The following DCDC1 variants were observed in gnomAD, a reference collection of about 807,000 sequenced individuals.
The protein encoded by DCDC1 is doublecortin domain-containing protein 1.
DCDC1 carries 200 observed loss-of-function variants against 178.3 expected under a neutral mutation model. The ratio of observed to expected loss-of-function variants is 1.12; its 90% CI spans 1.00 to 1.26. The LOEUF is 1.26. Among genes scored for constraint, DCDC1 ranks in the 50% most tolerant of loss-of-function variants. DCDC1 has a pLI of 0.00. For synonymous variants in DCDC1, 690 were observed against 604.8 expected, an observed-to-expected ratio of 1.14 and a Z score of -2.07; for missense variants, 1,983 against 1,749.2, an observed-to-expected ratio of 1.13 and a Z score of -2.38.
chr11:31,133,191 G>A (rs1318554523), intron 10 of DCDC1, among the ~76,000 whole-genome samples: 4 of 152,162 alleles, frequency 2.6e-5, no homozygotes, highest in Admixed American at 6.5e-5. Flanking sequence ...GGTTTTTCTA[G>A]TGATGAGTTC....
At chr11:31,277,308 T>C (rs949301784) in intron 7 of DCDC1, among the ~76,000 whole-genome samples, 1 of 152,140 alleles carries the variant, frequency 6.6e-6, no homozygotes, top group Non-Finnish European at 1.5e-5. Context: ...TATATAATAA[T>C]GTTTTATCCA....
At chr11:31,325,580 G>T (rs985414551) in intron 3 of DCDC1, among the ~76,000 whole-genome samples, 1 of 151,886 alleles carries the variant, frequency 6.6e-6, no homozygotes, top group Non-Finnish European at 1.5e-5. Context: ...GGAAACACAT[G>T]GAAAGAAAGA....
intron 9 of DCDC1, among the ~76,000 whole-genome samples, chr11:31,214,123 T>C (rs1252914580): frequency 6.6e-6 from 1 of 152,174 alleles, no homozygotes. Flanking sequence ...AAAAGTTTTT[T>C]TTATCAAAAT....
intron 38 of DCDC1, among the ~76,000 whole-genome samples, chr11:30,877,552 T>C (rs1262245330): frequency 1.3e-5 from 2 of 152,188 alleles, no homozygotes; most frequent in Non-Finnish European, 2.9e-5. Flanking sequence ...TTCTTTTAAA[T>C]AGTGCATATA....
At chr11:31,201,877 A>G (rs1182834547) in intron 9 of DCDC1, among the ~76,000 whole-genome samples, 1 of 152,230 alleles carries the variant, frequency 6.6e-6, no homozygotes, top group Non-Finnish European at 1.5e-5. Flanking sequence ...TCCTTAAAAG[A>G]CTGTAGCTCA....
chr11:31,356,966 G>C (rs1207382852), intron 1 of DCDC1, among the ~76,000 whole-genome samples: 1 of 152,090 alleles, frequency 6.6e-6, no homozygotes, highest in Non-Finnish European at 1.5e-5. Flanking sequence ...ACCAAAAAGA[G>C]TGCAGGACCA....
intron 35 of DCDC1, among the ~76,000 whole-genome samples, chr11:30,893,909 A>G (rs1943994326): frequency 6.6e-6 from 1 of 152,218 alleles, no homozygotes; most frequent in South Asian, 2.1e-4. Flanking sequence ...ACATATTGAG[A>G]CATGCCCTTA....
intron 20 of DCDC1, among the ~76,000 whole-genome samples, chr11:31,030,756 T>C (rs1329925973): frequency 6.6e-6 from 1 of 152,132 alleles, no homozygotes; most frequent in African/African-American, 2.4e-5. Flanking sequence ...TTTAGAGACA[T>C]TTAACTTCCA....
At chr11:31,057,092 C>G (rs1955631811) in intron 20 of DCDC1, among the ~76,000 whole-genome samples, 1 of 151,836 alleles carries the variant, frequency 6.6e-6, no homozygotes, top group South Asian at 2.1e-4. Context: ...ATTAGCCAGG[C>G]ATGGTGGTGC....
At chr11:31,207,777 T>A (rs1565431717) in intron 9 of DCDC1, among the ~76,000 whole-genome samples, 1 of 152,194 alleles carries the variant, frequency 6.6e-6, no homozygotes, top group East Asian at 1.9e-4. Flanking sequence ...TTCTACTTTT[T>A]CCCATTCCCT....
intron 36 of DCDC1, 104 bp from the exon 37 acceptor site, chr11:30,881,412 T>C: frequency 7.2e-7 from 1 of 1,386,034 alleles, no homozygotes; most frequent in East Asian, 2.3e-5. Flanking sequence ...AGTTTGATTA[T>C]TTGCCCACTG....
intron 17 of DCDC1, among the ~76,000 whole-genome samples, chr11:31,090,078 T>C (rs1286977879): frequency 2.0e-5 from 3 of 152,134 alleles, no homozygotes; most frequent in Non-Finnish European, 2.9e-5. Flanking sequence ...TCAGAAATCT[T>C]ATTACCCAGT....
At chr11:31,000,983 T>G (rs1200713893) in intron 20 of DCDC1, among the ~76,000 whole-genome samples, 3 of 152,174 alleles carry the variant, frequency 2.0e-5, no homozygotes, top group Non-Finnish European at 4.4e-5. Flanking sequence ...CTTAGCAAAT[T>G]TTCATCAGTT....
intron 20 of DCDC1, among the ~76,000 whole-genome samples, chr11:30,963,558 T>G (rs535666020): frequency 1.3e-5 from 2 of 152,142 alleles, no homozygotes; most frequent in African/African-American, 4.8e-5. Flanking sequence ...ACCTTACCCT[T>G]AAAGCAACTG....
intron 20 of DCDC1, among the ~76,000 whole-genome samples, chr11:30,994,801 A>G (rs1364698758): frequency 1.4e-5 from 2 of 146,998 alleles, no homozygotes; most frequent in African/African-American, 5.0e-5. Context: ...ATATATGTAT[A>G]CCCTACAGCT....
chr11:30,876,492 G>A (rs1032655669), intron 38 of DCDC1, among the ~76,000 whole-genome samples: 4 of 152,130 alleles, frequency 2.6e-5, no homozygotes, highest in Non-Finnish European at 2.9e-5. Context: ...AGTAAGTGTC[G>A]CTGCCTTGCT....
chr11:31,304,414 T>A (rs1246835890), intron 6 of DCDC1, among the ~76,000 whole-genome samples: 1 of 152,108 alleles, frequency 6.6e-6, no homozygotes, highest in Non-Finnish European at 1.5e-5. Context: ...AATATAAAAT[T>A]AAGGCAGCCA....
chr11:31,331,096 G>T (rs887645271), intron 2 of DCDC1, among the ~76,000 whole-genome samples: 1 of 152,066 alleles, frequency 6.6e-6, no homozygotes, highest in Non-Finnish European at 1.5e-5. Context: ...CCTTTAAGAG[G>T]TCCTTCACAT....
intron 20 of DCDC1, among the ~76,000 whole-genome samples, chr11:30,988,454 GGAGT>G (rs1950781545): frequency 6.6e-6 from 1 of 151,938 alleles, no homozygotes; most frequent in Non-Finnish European, 1.5e-5. Context: ...ACTGGAGTAA[GGAGT>G]AAGTTTGGGA....
Sources: allele counts gnomAD v4.1 joint callset (sites outside exome capture counted in the v4.1 genomes callset), GRCh38; gene constraint gnomAD v4.1.1; transcripts MANE v1.5; gene names NCBI Gene and HGNC (gene_info 2026-07-23, HGNC 2026-07-21).